The following NAA35 variants were observed in gnomAD, a reference collection of about 807,000 sequenced individuals.
NAA35 encodes the protein N-alpha-acetyltransferase 35, NatC auxiliary subunit, also known as MAK10 homolog, amino-acid N-acetyltransferase subunit.
Under a neutral mutation model 101.7 loss-of-function variants are expected in NAA35, and 18 were observed. The observed-to-expected ratio is 0.18, with a 90% CI of 0.12 to 0.26. The LOEUF (loss-of-function observed/expected upper bound fraction) is 0.26. Among genes scored for constraint, NAA35 ranks in the 10% least tolerant of loss-of-function variants. The probability of loss-of-function intolerance (pLI) is 1.00; values close to 1 mark genes in which losing one functional copy is unlikely to be tolerated. For missense variants in NAA35, 601 were observed against 886.8 expected (o/e 0.68, Z 4.09); for synonymous variants, 267 against 273.1 (o/e 0.98, Z 0.22).
chr9:85,947,272 A>G (rs1024186358), intron 2 of NAA35, among the ~76,000 whole-genome samples: 1 of 152,130 alleles, frequency 6.6e-6, no homozygotes, highest in Non-Finnish European at 1.5e-5. Flanking sequence ...ATGATTATAT[A>G]GCTTTTAAAA....
At chr9:85,985,271 G>A (rs1164201694) in intron 11 of NAA35, among the ~76,000 whole-genome samples, 1 of 152,178 alleles carries the variant, frequency 6.6e-6, no homozygotes, top group Non-Finnish European at 1.5e-5. Context: ...AATTATCCAA[G>A]GGAAATGAAA....
chr9:86,017,442 T>A (rs1430982871), intron 18 of NAA35, 56 bp from the exon 19 acceptor site: 1 of 1,520,032 alleles, frequency 6.6e-7, no homozygotes, highest in African/African-American at 1.4e-5. Flanking sequence ...TTTGCAGTAA[T>A]GCAAGAGGGA....
intron 13 of NAA35, among the ~76,000 whole-genome samples, chr9:86,006,734 T>G (rs951486902): frequency 6.6e-6 from 1 of 152,154 alleles, no homozygotes; most frequent in Non-Finnish European, 1.5e-5. Flanking sequence ...ATTGTGAGAC[T>G]GATTTGAAAA....
intron 11 of NAA35, among the ~76,000 whole-genome samples, chr9:85,990,918 G>A (rs1392208852): frequency 1.3e-5 from 2 of 152,200 alleles, no homozygotes; most frequent in African/African-American, 2.4e-5. Context: ...GGAATGGGGA[G>A]GGCATCTGCA....
intron 6 of NAA35, 27 bp downstream of exon 6, chr9:85,962,207 T>G: frequency 6.2e-7 from 1 of 1,607,934 alleles, no homozygotes; most frequent in South Asian, 1.1e-5. Context: ...TAAGAAATCC[T>G]TGGCCAGGTG....
intron 15 of NAA35, among the ~76,000 whole-genome samples, chr9:86,011,559 C>T (rs1474669604): frequency 6.6e-6 from 1 of 150,926 alleles, no homozygotes; most frequent in Non-Finnish European, 1.5e-5. Flanking sequence ...CAGGTTCACC[C>T]TGTTGGCCAG....
chr9:85,996,808 A>T (rs993290540), intron 12 of NAA35, among the ~76,000 whole-genome samples: 3 of 152,200 alleles, frequency 2.0e-5, no homozygotes, highest in African/African-American at 4.8e-5. Context: ...AAGCTTTTAC[A>T]CTATTTTAGA....
intron 2 of NAA35, among the ~76,000 whole-genome samples, chr9:85,953,835 TAATC>T (rs1417026948): frequency 6.6e-6 from 1 of 152,206 alleles, no homozygotes; most frequent in Non-Finnish European, 1.5e-5. Flanking sequence ...TCCTCAAGGT[TAATC>T]TATGTTGTAG....
Position 86,022,478 on chromosome 9 carries a change from G to A in NAA35, c.*518G>A, listed in dbSNP as rs758912808. On this transcript the variant is annotated 3_prime_UTR_variant, in exon 23 of 23. Transcript: ENST00000361671. ...ATACATTTAGAAGGGATTTTTGGGA[G>A]GGCCTCTAAATTACATGAAAATTGT... Among the ~76,000 whole-genome samples, 45 of 151,734 alleles carry A rather than the reference G, an allele frequency of 3.0e-4. No individual in the cohort carries two copies. The highest frequency in any genetic ancestry group is 6.0e-4 in the Non-Finnish European group (41 of 68,010).
At chr9:85,976,850 A>G in intron 9 of NAA35, 115 bp downstream of exon 9, 1 of 720,754 alleles carries the variant, frequency 1.4e-6, no homozygotes, top group East Asian at 3.0e-5. Flanking sequence ...TTCTTTAAAA[A>G]TTGGACATTG....
Position 85,958,405 on chromosome 9 carries a change from G to T in NAA35, c.159-67G>T. On this transcript the variant is annotated intron_variant, in intron 3 of 22. Transcript: ENST00000361671. ...ATTAAAAGTAGTATAATTTTATACCGTTGTGAAAATATGAATAAGCTTACT... is the reference window on the plus strand; with the variant it reads ...ATTAAAAGTAGTATAATTTTATACCTTTGTGAAAATATGAATAAGCTTACT... 2 of 924,930 alleles carry T rather than the reference G, an allele frequency of 2.2e-6. 1 individual carries two copies. The highest frequency in any genetic ancestry group is 3.1e-5 in the South Asian group (2 of 64,506). The allele number at this position is 924,930 out of a possible 1,614,324, so 57.3% of individuals were successfully genotyped here. A position where few individuals can be genotyped will look rare whatever the true frequency, so the allele number is the denominator to read the frequency against.
At chr9:85,981,376 A>G (rs1463963118) in intron 11 of NAA35, among the ~76,000 whole-genome samples, 1 of 152,212 alleles carries the variant, frequency 6.6e-6, no homozygotes, top group Non-Finnish European at 1.5e-5. Context: ...GTGTATCAAA[A>G]AGATGATGCA....
intron 2 of NAA35, among the ~76,000 whole-genome samples, chr9:85,949,606 T>A (rs899130906): frequency 6.6e-6 from 1 of 152,140 alleles, no homozygotes; most frequent in Admixed American, 6.5e-5. Context: ...TTCTTTCCTA[T>A]TTTTTATGTC....
intron 2 of NAA35, among the ~76,000 whole-genome samples, chr9:85,948,990 C>A (rs563832306): frequency 6.6e-6 from 1 of 152,034 alleles, no homozygotes; most frequent in African/African-American, 2.4e-5. Flanking sequence ...CTCATGACCT[C>A]GGGTGATCCA....
Position 86,016,489 on chromosome 9 carries a change from G to C in NAA35, c.1569-50G>C, listed in dbSNP as rs575304872. On this transcript the variant is annotated intron_variant, in intron 17 of 22. Transcript: ENST00000361671. ...TATCGTTAATATATGTGTTGATAAA[G>C]CTGTCTCATTTAGACATCTACCATT... The C allele has an allele frequency of 2.6e-6, 4 of 1,542,646 alleles. No homozygotes were observed. In the South Asian group the frequency reaches 4.7e-5, roughly 18 times the overall value.
chr9:86,011,373 A>G (rs1370926546), intron 15 of NAA35, among the ~76,000 whole-genome samples: 7 of 151,460 alleles, frequency 4.6e-5, no homozygotes, highest in Non-Finnish European at 8.8e-5. Context: ...TTATTTATTT[A>G]TTTATTTTAA....
At chr9:85,968,690 T>G (rs759588514) in intron 6 of NAA35, among the ~76,000 whole-genome samples, 3 of 152,196 alleles carry the variant, frequency 2.0e-5, no homozygotes, top group African/African-American at 7.2e-5. Context: ...CCTAATATTC[T>G]AACTTCTGGA....
chr9:86,015,253 T>C (rs528177000), intron 17 of NAA35, among the ~76,000 whole-genome samples: 146 of 152,338 alleles, frequency 9.6e-4, no homozygotes, highest in African/African-American at 3.2e-3. Context: ...TTTGTCTATA[T>C]ACATAAGTAG....
chr9:86,011,095 A>G (rs1831901816), intron 15 of NAA35, among the ~76,000 whole-genome samples: 1 of 150,882 alleles, frequency 6.6e-6, no homozygotes, highest in African/African-American at 2.4e-5. Flanking sequence ...ATACAAAATT[A>G]GCTGGGCATA....
Sources: gnomAD v4.1 joint callset for allele counts (sites outside exome capture counted in the v4.1 genomes callset) on GRCh38, gnomAD v4.1.1 for gene constraint, MANE v1.5 for transcripts, NCBI Gene and HGNC (gene_info 2026-07-23, HGNC 2026-07-21) for gene names.